ANAPC7: variants seen among roughly 807,000 people sequenced by gnomAD.
ANAPC7 encodes anaphase-promoting complex subunit 7.
In ANAPC7, 25 loss-of-function variants were observed where a neutral mutation model predicts 63.3. That is an observed-to-expected ratio of 0.39 (90% CI 0.29 to 0.55). The LOEUF (loss-of-function observed/expected upper bound fraction) is 0.55, where lower values mean the gene tolerates loss of function less well. Ranked by LOEUF, ANAPC7 falls within the 20% of genes least tolerant of loss-of-function variation. The pLI is 0.57. For missense variants in ANAPC7, 516 were observed against 691.7 expected, an observed-to-expected ratio of 0.75 and a Z score of 2.85; for synonymous variants, 241 against 251.7, an observed-to-expected ratio of 0.96 and a Z score of 0.40.
chr12:110,380,997 G>A (rs761589851), intron 8 of ANAPC7, among the ~76,000 whole-genome samples: 2 of 151,226 alleles, frequency 1.3e-5, no homozygotes, highest in African/African-American at 2.4e-5. Context: ...CATGGTGTCT[G>A]ACACAGAGAG....
In ANAPC7 at chr12:110,377,590, T is replaced by C. The variant is rs201531982; in HGVS notation, c.1160A>G (p.Asn387Ser). ...EGLIECYLAS[N>S]SIREAMVMAN... ...CATTACCATTGCTTCTCGAATACTG[T>C]TGGAGGCTAAGTAACATTCGATAAG... is the stretch of plus-strand genomic sequence containing the variant. Residue 387 changes from asparagine (N) to serine (S), a missense_variant, in exon 9 of 11, where the codon AAC (asparagine) becomes AGC (serine). Asn to Ser is a conservative substitution (Grantham distance 46, BLOSUM62 1). Coordinates refer to ENST00000455511, the MANE Select transcript of ANAPC7 (RefSeq NM_016238.3). 26 of 1,614,058 alleles carry C rather than the reference T, an allele frequency of 1.6e-5. No individual in the cohort carries two copies. Among genetic ancestry groups the C allele is most frequent in the African/African-American group, 2.7e-5 (2 of 74,932 alleles).
At chr12:110,376,496 G>A (rs1249394399) in intron 9 of ANAPC7, among the ~76,000 whole-genome samples, 2 of 141,340 alleles carry the variant, frequency 1.4e-5, no homozygotes, top group African/African-American at 5.4e-5. Flanking sequence ...CTGAACCCAG[G>A]AGGCGGAGCT....
intron 3 of ANAPC7, 48 bp from the exon 4 acceptor site, chr12:110,388,671 G>C (rs1336720965): frequency 7.4e-7 from 1 of 1,357,894 alleles, no homozygotes; most frequent in South Asian, 1.2e-5. Flanking sequence ...ATATTGCAAA[G>C]AAAATCTCTC....
intron 3 of ANAPC7, among the ~76,000 whole-genome samples, chr12:110,392,841 G>A (rs576231895): frequency 5.9e-5 from 9 of 152,034 alleles, no homozygotes; most frequent in African/African-American, 2.2e-4. Context: ...TGTTGCCCAG[G>A]CTGGAGTGCA....
intron 8 of ANAPC7, among the ~76,000 whole-genome samples, chr12:110,381,328 T>G (rs569777900): frequency 3.6e-4 from 54 of 152,110 alleles, no homozygotes; most frequent in African/African-American, 1.2e-3. Flanking sequence ...CGGATGATGT[T>G]TTTTTGTTGT....
At chr12:110,378,116 CAG>C (rs1030755042) in intron 8 of ANAPC7, 4 of 156,714 alleles carry the variant, frequency 2.6e-5, no homozygotes, top group Non-Finnish European at 5.7e-5. Context: ...TTTTTTGCGA[CAG>C]AGTTTCACTC....
Position 110,382,984 on chromosome 12 carries a change from A to T in ANAPC7, c.818-24T>A, listed in dbSNP as rs762751283. 2.1e-4 allele frequency: 332 copies of T among 1,584,932 alleles called. 1 individual carries two copies. The highest frequency in any genetic ancestry group is 2.7e-4 in the Non-Finnish European group (310 of 1,157,216). On this transcript the variant is annotated intron_variant, in intron 6 of 10. Coordinates refer to ENST00000455511, the MANE Select transcript of ANAPC7 (RefSeq NM_016238.3). ...TCCTAGAAGAGAAGGACATAGTGAGAAGAGGTGTTTTAAGAAGAGAAGCAG... is the reference window on the plus strand; with the variant it reads ...TCCTAGAAGAGAAGGACATAGTGAGTAGAGGTGTTTTAAGAAGAGAAGCAG...
At chr12:110,387,952 A>G (rs543702060) in intron 4 of ANAPC7, 60 bp from the exon 5 acceptor site, 1 of 1,579,378 alleles carries the variant, frequency 6.3e-7, no homozygotes, top group African/African-American at 1.3e-5. Context: ...TCCACATGCA[A>G]GGAGCAACGG....
At chr12:110,401,950 CAAAAA>C (rs747810973) in intron 1 of ANAPC7, among the ~76,000 whole-genome samples, 2 of 46,128 alleles carry the variant, frequency 4.3e-5, no homozygotes, top group Non-Finnish European at 8.4e-5. Flanking sequence ...GACTCCGTCT[CAAAAA>C]AAAAAAAAAA....
chr12:110,375,568 C>T (rs746812107), intron 10 of ANAPC7: 26 of 797,054 alleles, frequency 3.3e-5, no homozygotes, highest in South Asian at 1.1e-4. Flanking sequence ...AACCCTCATT[C>T]GATCATTTAA....
chr12:110,383,507 G>T (rs1265597919), intron 6 of ANAPC7, among the ~76,000 whole-genome samples: 4 of 152,128 alleles, frequency 2.6e-5, no homozygotes, highest in African/African-American at 9.7e-5. Context: ...GGGTGGCAGA[G>T]GCAGGAGGAT....
At chr12:110,389,451 T>C (rs1160686959) in intron 3 of ANAPC7, among the ~76,000 whole-genome samples, 4 of 152,234 alleles carry the variant, frequency 2.6e-5, no homozygotes, top group Non-Finnish European at 5.9e-5. Context: ...GGCTAGACTC[T>C]AGCCTTTCTA....
intron 8 of ANAPC7, among the ~76,000 whole-genome samples, chr12:110,380,825 C>A (rs1881763204): frequency 6.6e-6 from 1 of 151,070 alleles, no homozygotes; most frequent in South Asian, 2.1e-4. Flanking sequence ...GTAATCCTAG[C>A]TACTGGGGAG....
Position 110,392,804 on chromosome 12 carries a change from GT to G in ANAPC7, c.408+2296del, listed in dbSNP as rs894857501. On this transcript the variant is annotated intron_variant, in intron 3 of 10. Transcript: ENST00000455511. ...CAGATCTTTTTTTGTTTGTTTTTTT[GT>G]TTTTTTTGAGATGGAGTTTCACTCT... Among the ~76,000 whole-genome samples the G allele has an allele frequency of 1.2e-3, 188 of 151,392 alleles. 1 individual carries two copies. The highest frequency in any genetic ancestry group is 2.0e-3 in the Non-Finnish European group (138 of 67,772).
At chr12:110,399,948 G>C (rs189087296) in intron 1 of ANAPC7, among the ~76,000 whole-genome samples, 1 of 152,078 alleles carries the variant, frequency 6.6e-6, no homozygotes, top group East Asian at 1.9e-4. Flanking sequence ...ACGAAAATTA[G>C]CCAGGCATGG....
In ANAPC7 at chr12:110,382,857, C is replaced by A. The variant is rs1162843982; in HGVS notation, c.921G>T (p.Pro307=). 6.2e-7 allele frequency: 1 copy of A among 1,613,108 alleles called. No individual in the cohort carries two copies. The highest frequency in any genetic ancestry group is 8.5e-7 in the Non-Finnish European group (1 of 1,179,362). ...CATAATCATACCCAGAAACCACCCA[C>A]GGTTCTGCATGCTGATCAGAGATAT... ...LFNISDQHAE[P]WVVSGCHSFY... is the part of the protein sequence containing the mutation. The change falls in exon 7 of 11, where the codon CCG becomes CCT. Residue 307 remains proline (P), a synonymous_variant. Coordinates refer to ENST00000455511, the MANE Select transcript of ANAPC7 (RefSeq NM_016238.3).
At chr12:110,384,936 CT>C (rs1433928429) in intron 6 of ANAPC7, among the ~76,000 whole-genome samples, 2 of 152,138 alleles carry the variant, frequency 1.3e-5, no homozygotes. Context: ...CAGAAAAAAG[CT>C]TGTAGTTCTA....
intron 7 of ANAPC7, 57 bp from the exon 8 acceptor site, chr12:110,382,005 A>C (rs1881902818): frequency 6.9e-7 from 1 of 1,459,736 alleles, no homozygotes. Context: ...CCAAGAGAAG[A>C]CTACAAAGAA....
chr12:110,375,606 A>C, intron 10 of ANAPC7: 1 of 785,610 alleles, frequency 1.3e-6, no homozygotes, highest in Non-Finnish European at 1.5e-6. Flanking sequence ...AGATATAGAC[A>C]AGGAAATGTG....
Sources: allele counts gnomAD v4.1 joint callset (sites outside exome capture counted in the v4.1 genomes callset), GRCh38; gene constraint gnomAD v4.1.1; transcripts MANE v1.5; gene names NCBI Gene and HGNC (gene_info 2026-07-23, HGNC 2026-07-21).